PKIG: variants seen among roughly 807,000 people sequenced by gnomAD.
PKIG encodes cAMP-dependent protein kinase inhibitor gamma, also known as protein kinase (cAMP-dependent, catalytic) inhibitor gamma.
Under a neutral mutation model 6.8 loss-of-function variants are expected in PKIG, and 1 was observed. The ratio of observed to expected loss-of-function variants is 0.15; its 90% CI spans 0.05 to 0.69. The LOEUF is 0.69. Ranked by LOEUF, PKIG falls within the 30% of genes least tolerant of loss-of-function variation. The pLI is 0.82. For missense variants in PKIG, 77 were observed against 104.0 expected, an observed-to-expected ratio of 0.74 and a Z score of 1.13; for synonymous variants, 39 against 43.0, an observed-to-expected ratio of 0.91 and a Z score of 0.36.
rs185362921 is a variant in PKIG, at chr20:44,563,945, G to A, written c.-240-18640G>A. Reference sequence around the variant, plus strand: ...ATTTGATTTTTATTTTGCTGATCATGCTTTTTGCCATGCAGAATATTTTTA... The same window carrying A: ...ATTTGATTTTTATTTTGCTGATCATACTTTTTGCCATGCAGAATATTTTTA... On this transcript the variant is annotated intron_variant, in intron 1 of 4. Transcript: ENST00000372887. Among the ~76,000 whole-genome samples the A allele has an allele frequency of 1.4e-3, 210 of 152,266 alleles. 1 individual carries two copies. Among genetic ancestry groups the A allele is most frequent in the South Asian group, 5.2e-3 (25 of 4,826 alleles).
chr20:44,565,976 G>A (rs2064807340), intron 1 of PKIG, among the ~76,000 whole-genome samples: 1 of 152,196 alleles, frequency 6.6e-6, no homozygotes, highest in Non-Finnish European at 1.5e-5. Flanking sequence ...TGGCTAGGCT[G>A]GTCTCGAACT....
intron 2 of PKIG, among the ~76,000 whole-genome samples, chr20:44,592,282 G>C (rs763273845): frequency 7.9e-5 from 12 of 152,160 alleles, no homozygotes; most frequent in Non-Finnish European, 1.8e-4. Context: ...TGACTTCTGT[G>C]GGTAGCATCT....
chr20:44,543,575 T>C (rs1220516954), intron 1 of PKIG, among the ~76,000 whole-genome samples: 4 of 152,178 alleles, frequency 2.6e-5, no homozygotes, highest in Non-Finnish European at 4.4e-5. Context: ...TTTTGGCTGA[T>C]ACAGCCAAAC....
chr20:44,550,624 G>A (rs1334518633), intron 1 of PKIG, among the ~76,000 whole-genome samples: 1 of 152,108 alleles, frequency 6.6e-6, no homozygotes, highest in African/African-American at 2.4e-5. Context: ...TTTCCCAGGC[G>A]TTTTTGTGCT....
intron 2 of PKIG, among the ~76,000 whole-genome samples, chr20:44,607,709 G>A (rs1237255766): frequency 1.4e-5 from 2 of 139,646 alleles, no homozygotes; most frequent in Non-Finnish European, 3.1e-5. Context: ...TTTTGAGACG[G>A]AGTCTCACTC....
intron 2 of PKIG, among the ~76,000 whole-genome samples, chr20:44,596,763 C>A (rs1354587220): frequency 6.6e-6 from 1 of 152,204 alleles, no homozygotes; most frequent in South Asian, 2.1e-4. Context: ...TGTGAAGAGA[C>A]TCCCTTACTG....
chr20:44,590,373 G>A (rs1470373662), intron 2 of PKIG, among the ~76,000 whole-genome samples: 5 of 152,234 alleles, frequency 3.3e-5, no homozygotes, highest in African/African-American at 1.2e-4. Flanking sequence ...GAGAAGGGAT[G>A]AAGATGCAGT....
chr20:44,571,538 C>T (rs528596199), intron 1 of PKIG, among the ~76,000 whole-genome samples: 29 of 152,294 alleles, frequency 1.9e-4, no homozygotes, highest in African/African-American at 6.7e-4. Context: ...TTTTTCTTTA[C>T]ACCACATCCT....
At chr20:44,555,744 G>T (rs1415535278) in intron 1 of PKIG, among the ~76,000 whole-genome samples, 1 of 152,074 alleles carries the variant, frequency 6.6e-6, no homozygotes, top group Non-Finnish European at 1.5e-5. Flanking sequence ...ACTTGCTAGG[G>T]AACCTCATTT....
At chr20:44,607,374 TA>T (rs1407330303) in intron 2 of PKIG, among the ~76,000 whole-genome samples, 1,255 of 114,348 alleles carry the variant, frequency 0.011, 3 homozygotes, top group Non-Finnish European at 0.016. Flanking sequence ...TATATATATA[TA>T]TATTTTTTTT....
Position 44,540,238 on chromosome 20 carries a change from G to A in PKIG, c.-241+8260G>A, listed in dbSNP as rs575296085. Among the ~76,000 whole-genome samples the A allele has an allele frequency of 9.2e-5, 14 of 152,308 alleles. 1 individual carries two copies. The South Asian group carries it at 2.9e-3, about 32-fold the overall frequency. ...AGCCTCCCAAAGTGCTGGGATTACAGGCATGAGCCACTGTGCCTGGCCCAG... is the reference window on the plus strand; with the variant it reads ...AGCCTCCCAAAGTGCTGGGATTACAAGCATGAGCCACTGTGCCTGGCCCAG... On this transcript the variant is annotated intron_variant, in intron 1 of 4. Coordinates refer to the PKIG transcript ENST00000372887.
chr20:44,583,314 G>A (rs1041842036), intron 1 of PKIG, among the ~76,000 whole-genome samples: 29 of 152,208 alleles, frequency 1.9e-4, no homozygotes, highest in African/African-American at 6.3e-4. Flanking sequence ...TTGGGTTTGC[G>A]ATCTTTTTAT....
intron 2 of PKIG, among the ~76,000 whole-genome samples, chr20:44,611,084 G>A (rs1269507906): frequency 2.9e-5 from 4 of 138,946 alleles, no homozygotes; most frequent in East Asian, 2.1e-4. Context: ...ACGGAGTCTC[G>A]CTCTGTCTTG....
Position 44,614,488 on chromosome 20 carries a change from A to T in PKIG, c.-23-46A>T. ...GGAACTGGAGCTGTCCTCTCTGCAG[A>T]ATGCATCTGGACTTACCTCTGCCCC... On this transcript the variant is annotated intron_variant, in intron 2 of 3. Coordinates refer to ENST00000372886, the MANE Select transcript of PKIG (RefSeq NM_001281445.2). The surrounding 1 kb of genome is among the most constrained non-coding windows in gnomAD (Gnocchi z 4.6). The T allele has an allele frequency of 7.0e-7, 1 of 1,426,524 alleles. No homozygotes were observed. Among genetic ancestry groups the T allele is most frequent in the South Asian group, 1.2e-5 (1 of 82,752 alleles). 88.4% of individuals were successfully genotyped at this position (1,426,524 alleles called of 1,614,324 possible).
In PKIG at chr20:44,575,361, G is replaced by A. The variant is rs549402814; in HGVS notation, c.-240-7224G>A. 5.9e-5 allele frequency among the ~76,000 whole-genome samples: 9 copies of A among 152,314 alleles called. 1 individual carries two copies. The East Asian group carries it at 1.7e-3, about 29-fold the overall frequency. ...TGCCTCCGGAGTAGCTGAGATTACA[G>A]GCACCTGCCACCACGCCCAGCCAAT... On this transcript the variant is annotated intron_variant, in intron 1 of 4. Transcript: ENST00000372887.
chr20:44,545,421 T>C, intron 1 of PKIG, among the ~76,000 whole-genome samples: 1 of 152,004 alleles, frequency 6.6e-6, no homozygotes, highest in East Asian at 1.9e-4. Context: ...TTATGAAAAA[T>C]AAGTTGAATG....
intron 2 of PKIG, among the ~76,000 whole-genome samples, chr20:44,611,208 C>T (rs979944329): frequency 2.0e-5 from 3 of 151,976 alleles, no homozygotes; most frequent in African/African-American, 7.3e-5. Flanking sequence ...GCGTGTGCTA[C>T]CACACCCGAC....
At chr20:44,562,643 A>G (rs1445105873) in intron 1 of PKIG, among the ~76,000 whole-genome samples, 1 of 151,786 alleles carries the variant, frequency 6.6e-6, no homozygotes, top group African/African-American at 2.4e-5. Context: ...AAAAAGAGTG[A>G]AAAAGGGAGA....
At chr20:44,549,191 T>C (rs1447893227) in intron 1 of PKIG, among the ~76,000 whole-genome samples, 2 of 152,310 alleles carry the variant, frequency 1.3e-5, no homozygotes, top group Non-Finnish European at 2.9e-5. Flanking sequence ...GTATTTGTGA[T>C]TTATAGCATC....
Sources: gnomAD v4.1 joint callset for allele counts (sites outside exome capture counted in the v4.1 genomes callset) on GRCh38, gnomAD v4.1.1 for gene constraint, Gnocchi (gnomAD v3.1) non-coding constraint, MANE v1.5 for transcripts, NCBI Gene and HGNC (gene_info 2026-07-23, HGNC 2026-07-21) for gene names.